CCNH: variants seen among roughly 807,000 people sequenced by gnomAD.
CCNH encodes cyclin-H.
In CCNH, 31 loss-of-function variants were observed where a neutral mutation model predicts 41.9. That is an observed-to-expected ratio of 0.74 (90% confidence interval 0.56 to 1.00). The LOEUF is 1.00. CCNH is among the 50% of genes least tolerant of loss of function. CCNH has a pLI of 0.00. For missense variants in CCNH, 362 were observed against 388.4 expected (o/e 0.93, Z 0.57); for synonymous variants, 138 against 136.1 (o/e 1.01, Z -0.10).
At chr5:87,357,310 C>T in intron 9 of CCNH, among the ~76,000 whole-genome samples, 1 of 151,830 alleles carries the variant, frequency 6.6e-6, no homozygotes, top group East Asian at 1.9e-4. Flanking sequence ...TGGCTAGGAT[C>T]TTTTTTCAGG....
chr5:87,362,248 C>T (rs994240116), intron 9 of CCNH, among the ~76,000 whole-genome samples: 2 of 152,136 alleles, frequency 1.3e-5, no homozygotes, highest in Non-Finnish European at 2.9e-5. Context: ...ACATGATTTG[C>T]TGTAAAATAT....
rs1761769865 is a variant in CCNH at position 87,382,236 on chromosome 5, C to T, written c.*90+10534G>A. On this transcript the variant is annotated intron_variant and NMD_transcript_variant, in intron 9 of 9. Coordinates refer to the CCNH transcript ENST00000645953. The stretch of plus-strand genomic sequence containing the variant: ...CAAAGTGTTGGATTACAGGCATGAG[C>T]CACCATGCCCAGCCAATATATTAGA... 1.3e-5 allele frequency among the ~76,000 whole-genome samples: 2 copies of T among 152,174 alleles called. 1 individual carries two copies. The highest frequency in any genetic ancestry group is 4.1e-4 in the South Asian group (2 of 4,828).
chr5:87,345,258 A>C (rs1758772659), intron 9 of CCNH, among the ~76,000 whole-genome samples: 1 of 151,808 alleles, frequency 6.6e-6, no homozygotes, highest in African/African-American at 2.4e-5. Flanking sequence ...TGAAACGAAA[A>C]CTCTTTAGAA....
At chr5:87,396,637 C>T (rs1762986580) in intron 7 of CCNH, among the ~76,000 whole-genome samples, 1 of 151,388 alleles carries the variant, frequency 6.6e-6, no homozygotes, top group African/African-American at 2.4e-5. Context: ...AACAAACAAA[C>T]AAAAAAGCCA....
downstream of CCNH, chr5:87,374,461 T>A (rs6898715): frequency 0.22 from 33,432 of 149,304 alleles, 2,726 homozygotes; most frequent in Admixed American, 0.28. Flanking sequence ...ATATATATAT[T>A]TTTTTTTTTT....
the CCNH span, among the ~76,000 whole-genome samples, chr5:87,312,979 C>G: frequency 6.6e-6 from 1 of 152,080 alleles, no homozygotes; most frequent in Non-Finnish European, 1.5e-5. Context: ...GATACTTTCC[C>G]TGTTGGAATT....
upstream of CCNH, among the ~76,000 whole-genome samples, chr5:87,381,043 T>C (rs527812198): frequency 8.9e-4 from 135 of 152,302 alleles, no homozygotes; most frequent in African/African-American, 3.1e-3. Flanking sequence ...AGTCTGCTCA[T>C]TGTACCATAA....
intron 6 of CCNH, among the ~76,000 whole-genome samples, chr5:87,399,811 TA>T (rs141836526): frequency 3.3e-5 from 5 of 150,178 alleles, no homozygotes; most frequent in Admixed American, 6.6e-5. Flanking sequence ...TTTTAAGACT[TA>T]AAAAAAAAAT....
chr5:87,377,488 A>T (rs1202932372), upstream of CCNH, among the ~76,000 whole-genome samples: 2 of 151,898 alleles, frequency 1.3e-5, no homozygotes, highest in Non-Finnish European at 2.9e-5. Context: ...ATGCCACCAC[A>T]CCCAGCTAAT....
At chr5:87,378,461 G>A (rs2112495606), upstream of CCNH, 1 of 1,611,836 alleles carries the variant, frequency 6.2e-7, no homozygotes, top group Non-Finnish European at 8.5e-7. Context: ...GTATATGAAA[G>A]CCACTGCTAC....
At chr5:87,374,417 G>A, downstream of CCNH, 1 of 981,818 alleles carries the variant, frequency 1.0e-6, no homozygotes. Flanking sequence ...TCAGAACAAG[G>A]TACCATATCC....
downstream of CCNH, chr5:87,392,257 A>G (rs1423817709): frequency 2.2e-6 from 1 of 456,144 alleles, no homozygotes; most frequent in Admixed American, 2.3e-5. Flanking sequence ...CCTCTAATGT[A>G]TAAAATACAG....
chr5:87,382,699 A>G (rs1313898914), intron 9 of CCNH, among the ~76,000 whole-genome samples: 1 of 152,198 alleles, frequency 6.6e-6, no homozygotes. Context: ...ATAAAATCAT[A>G]TATGACAGCT....
chr5:87,390,844 A>G, downstream of CCNH: 3 of 1,613,788 alleles, frequency 1.9e-6, no homozygotes, highest in South Asian at 3.3e-5. Context: ...TGCTTCAACA[A>G]AAACAAAACC....
chr5:87,380,635 A>G, upstream of CCNH: 2 of 1,502,906 alleles, frequency 1.3e-6, no homozygotes, highest in Non-Finnish European at 1.9e-6. Flanking sequence ...ACATACTAAT[A>G]GGTGGATAAT....
chr5:87,333,210 T>C lies in CCNH; in HGVS notation c.*91-14313A>G, dbSNP rs1757722538. 6.9e-6 allele frequency: 11 copies of C among 1,595,764 alleles called. No homozygotes were observed. The Admixed American group carries it at 1.9e-4, about 27-fold the overall frequency. On this transcript the variant is annotated intron_variant and NMD_transcript_variant, in intron 9 of 9. Transcript: ENST00000645953. ...TTGGCTTTATGTGGATATACCTCTTTTGACTTTAAGATAAAAAGACTATCT... is the reference window on the plus strand; with the variant it reads ...TTGGCTTTATGTGGATATACCTCTTCTGACTTTAAGATAAAAAGACTATCT...
intron 8 of CCNH, chr5:87,394,690 T>G (rs1580432482): frequency 7.4e-7 from 1 of 1,351,520 alleles, no homozygotes; most frequent in African/African-American, 1.5e-5. Flanking sequence ...GTTATGGCTG[T>G]GACCTTTTGC....
At chr5:87,367,627 A>G (rs1006440103) in intron 9 of CCNH, among the ~76,000 whole-genome samples, 10 of 152,194 alleles carry the variant, frequency 6.6e-5, no homozygotes, top group Admixed American at 1.3e-4. Flanking sequence ...CATTACTTAG[A>G]AAGATGTCTT....
At chr5:87,350,049 A>G (rs1759145212) in intron 9 of CCNH, among the ~76,000 whole-genome samples, 1 of 151,886 alleles carries the variant, frequency 6.6e-6, no homozygotes, top group Admixed American at 6.6e-5. Context: ...TAAAATGCTT[A>G]TATTTGCCTA....
Sources: gnomAD v4.1 joint callset for allele counts (sites outside exome capture counted in the v4.1 genomes callset) on GRCh38, gnomAD v4.1.1 for gene constraint, MANE v1.5 for transcripts, NCBI Gene and HGNC (gene_info 2026-07-23, HGNC 2026-07-21) for gene names.